Variants in PRKN observed in about 807,000 individuals in gnomAD.
PRKN encodes parkin RBR E3 ubiquitin protein ligase, also known as E3 ubiquitin-protein ligase parkin.
PRKN carries 56 observed loss-of-function variants against 59.5 expected under a neutral mutation model. The observed-to-expected ratio is 0.94, with a 90% CI of 0.76 to 1.18. The LOEUF is 1.18. PRKN is among the 50% of genes most tolerant of loss of function. PRKN has a pLI of 0.00. For synonymous variants in PRKN, 250 were observed against 222.1 expected, an observed-to-expected ratio of 1.13 and a Z score of -1.12; for missense variants, 657 against 596.4, an observed-to-expected ratio of 1.10 and a Z score of -1.06.
At chr6:162,262,950 C>T (rs1313047792) in intron 2 of PRKN, among the ~76,000 whole-genome samples, 185 bp from the exon 3 acceptor site, 1 of 152,120 alleles carries the variant, frequency 6.6e-6, no homozygotes, top group Non-Finnish European at 1.5e-5. Flanking sequence ...CAACACTGAA[C>T]TGGGGCCAGA....
chr6:162,068,655 A>G (rs1431497655), intron 4 of PRKN, among the ~76,000 whole-genome samples: 1 of 152,186 alleles, frequency 6.6e-6, no homozygotes, highest in Non-Finnish European at 1.5e-5. Context: ...CACTTCATCA[A>G]GTCAACAAGG....
intron 7 of PRKN, among the ~76,000 whole-genome samples, chr6:161,619,895 A>G (rs1295065842): frequency 6.6e-6 from 1 of 152,024 alleles, no homozygotes; most frequent in Non-Finnish European, 1.5e-5. Flanking sequence ...AGGTTATATA[A>G]AATATATTAT....
At chr6:162,649,193 T>C (rs1242962727) in intron 1 of PRKN, among the ~76,000 whole-genome samples, 1 of 152,204 alleles carries the variant, frequency 6.6e-6, no homozygotes, top group Non-Finnish European at 1.5e-5. Context: ...ATTTATTGAG[T>C]GCATTTACAT....
intron 1 of PRKN, among the ~76,000 whole-genome samples, chr6:162,582,965 G>A (rs1163945946): frequency 6.6e-6 from 1 of 152,194 alleles, no homozygotes; most frequent in Non-Finnish European, 1.5e-5. Context: ...CATTGTGACA[G>A]TGATAGGAGG....
At position 162,102,702 on chromosome 6, in the gene PRKN, A is replaced by G. The variant is rs186422408; in HGVS notation, c.535-48528T>C. ...CAAACTACAAAGCCCAATTTCTAGA[A>G]GAAATAGAGGGCATGGCACACTGCT... On this transcript the variant is annotated intron_variant, in intron 4 of 11. Coordinates refer to ENST00000366898, the MANE Select transcript of PRKN (RefSeq NM_004562.3). Among the ~76,000 whole-genome samples the G allele has an allele frequency of 2.5e-3, 380 of 152,272 alleles. 1 individual carries two copies. Among genetic ancestry groups the G allele is most frequent in the African/African-American group, 8.7e-3 (362 of 41,542 alleles).
At chr6:161,818,576 C>G (rs1425105919) in intron 6 of PRKN, among the ~76,000 whole-genome samples, 1 of 151,996 alleles carries the variant, frequency 6.6e-6, no homozygotes, top group Non-Finnish European at 1.5e-5. Context: ...TAAAGCGATC[C>G]TCCTGCGTTG....
chr6:162,160,746 C>A (rs570923050), intron 4 of PRKN, among the ~76,000 whole-genome samples: 1 of 151,922 alleles, frequency 6.6e-6, no homozygotes, highest in Non-Finnish European at 1.5e-5. Context: ...AGGAACTGTG[C>A]TTTAAGAGGG....
intron 9 of PRKN, among the ~76,000 whole-genome samples, chr6:161,537,233 T>C (rs1779445832): frequency 6.6e-6 from 1 of 152,222 alleles, no homozygotes; most frequent in Non-Finnish European, 1.5e-5. Context: ...TAAACAAGGT[T>C]GATTAATCAC....
At chr6:161,494,020 C>G (rs569278293) in intron 9 of PRKN, among the ~76,000 whole-genome samples, 2 of 152,304 alleles carry the variant, frequency 1.3e-5, no homozygotes, top group African/African-American at 4.8e-5. Flanking sequence ...TAAACAAATG[C>G]TTTCTTCCTA....
rs1407741612 is a variant in PRKN, at chr6:161,530,065, C to T, written c.1083+18789G>A. Reference sequence around the variant, plus strand: ...AAACCCTCATTCATTTCACACCACTCTGATGTTTTAGCCAACAGTTTTTTC... The same window carrying T: ...AAACCCTCATTCATTTCACACCACTTTGATGTTTTAGCCAACAGTTTTTTC... On this transcript the variant is annotated intron_variant, in intron 9 of 11. Coordinates refer to ENST00000366898, the MANE Select transcript of PRKN (RefSeq NM_004562.3). This position sits in a 1 kb window ranked among gnomAD's most constrained non-coding sequence, Gnocchi z 5.0. 6.6e-6 allele frequency among the ~76,000 whole-genome samples: 1 copy of T among 152,132 alleles called. No individual in the cohort carries two copies. Among genetic ancestry groups the T allele is most frequent in the East Asian group, 1.9e-4 (1 of 5,190 alleles).
At chr6:161,771,375 AATAAAATAAAATAAAAT>A (rs1789681853) in intron 7 of PRKN, among the ~76,000 whole-genome samples, 4 of 58,214 alleles carry the variant, frequency 6.9e-5, no homozygotes, top group Non-Finnish European at 2.1e-4. Flanking sequence ...AAAAAAATAA[AATAAAATAAAATAAAAT>A]AAAATAAAAG....
intron 9 of PRKN, among the ~76,000 whole-genome samples, chr6:161,441,796 G>C (rs1264632680): frequency 2.0e-5 from 3 of 152,192 alleles, no homozygotes; most frequent in Non-Finnish European, 4.4e-5. Flanking sequence ...AAGGGCCAAG[G>C]CTGCAGCTGC....
rs1326499312 is a variant in PRKN, at chr6:161,363,415, G to A, written c.1168-3210C>T. Among the ~76,000 whole-genome samples, 1 of 152,098 alleles carries A rather than the reference G, an allele frequency of 6.6e-6. No individual in the cohort carries two copies. Among genetic ancestry groups the A allele is most frequent in the Non-Finnish European group, 1.5e-5 (1 of 68,022 alleles). On this transcript the variant is annotated intron_variant, in intron 10 of 11. Transcript: ENST00000366898. The surrounding 1 kb of genome is among the most constrained non-coding windows in gnomAD (Gnocchi z 4.1). Reference sequence around the variant, plus strand: ...CATGAAACACTAATAATTAAAATTAGAAACTCAGTTGATGAGTTACATAAC... The same window carrying A: ...CATGAAACACTAATAATTAAAATTAAAAACTCAGTTGATGAGTTACATAAC...
chr6:161,548,661 A>T lies in PRKN; in HGVS notation c.1083+193T>A. 1.7e-6 allele frequency: 1 copy of T among 604,058 alleles called. No homozygotes were observed. Among genetic ancestry groups the T allele is most frequent in the Non-Finnish European group, 2.9e-6 (1 of 344,224 alleles). 37.4% of individuals were successfully genotyped at this position (604,058 alleles called of 1,614,324 possible). On this transcript the variant is annotated intron_variant, in intron 9 of 11. Transcript: ENST00000366898. The surrounding 1 kb of genome is among the most constrained non-coding windows in gnomAD (Gnocchi z 4.2). The stretch of plus-strand genomic sequence containing the variant: ...AGAAAATCTTCATATAACTGTTTTC[A>T]CCAAAATAAATACATAAATTTTCAA...
chr6:162,666,048 T>C (rs555218085), intron 1 of PRKN, among the ~76,000 whole-genome samples: 1 of 152,278 alleles, frequency 6.6e-6, no homozygotes, highest in Admixed American at 6.5e-5. Flanking sequence ...ATTAAAGACT[T>C]ACTTAAATTT....
intron 6 of PRKN, among the ~76,000 whole-genome samples, chr6:161,909,206 T>G (rs1383616789): frequency 6.6e-6 from 1 of 152,220 alleles, no homozygotes; most frequent in Non-Finnish European, 1.5e-5. Context: ...GCTCTGCTCA[T>G]GAGAAGGCAT....
chr6:161,707,679 T>C (rs1786563390), intron 7 of PRKN, among the ~76,000 whole-genome samples: 1 of 151,882 alleles, frequency 6.6e-6, no homozygotes, highest in Non-Finnish European at 1.5e-5. Context: ...TTCAACTATA[T>C]ATTCAAAGGC....
At chr6:161,680,477 G>A (rs1785275768) in intron 7 of PRKN, among the ~76,000 whole-genome samples, 1 of 152,000 alleles carries the variant, frequency 6.6e-6, no homozygotes, top group African/African-American at 2.4e-5. Context: ...CCTAAATGAG[G>A]GGTGCCCTTC....
At chr6:161,888,490 T>C (rs887906536) in intron 6 of PRKN, among the ~76,000 whole-genome samples, 1 of 152,150 alleles carries the variant, frequency 6.6e-6, no homozygotes, top group Admixed American at 6.6e-5. Flanking sequence ...TCTCCTGGGG[T>C]TGCACCATGT....
Sources: gnomAD v4.1 joint callset for allele counts (sites outside exome capture counted in the v4.1 genomes callset) on GRCh38, gnomAD v4.1.1 for gene constraint, Gnocchi (gnomAD v3.1) non-coding constraint, MANE v1.5 for transcripts, NCBI Gene and HGNC (gene_info 2026-07-23, HGNC 2026-07-21) for gene names.